NOSTRIN: variants seen among roughly 807,000 people sequenced by gnomAD.
NOSTRIN encodes the protein BM247 homolog.
A neutral mutation model predicts 59.0 loss-of-function variants in NOSTRIN; 63 were observed. That is an observed-to-expected ratio of 1.07 (90% CI 0.87 to 1.32). The LOEUF is 1.32. Among genes scored for constraint, NOSTRIN ranks in the 40% most tolerant of loss-of-function variants. NOSTRIN has a pLI of 0.00. For synonymous variants in NOSTRIN, 200 were observed against 165.4 expected (o/e 1.21, Z -1.61); for missense variants, 512 against 473.1 (o/e 1.08, Z -0.76).
intron 11 of NOSTRIN, 69 bp from the exon 12 acceptor site, chr2:168,856,621 C>A: frequency 1.4e-6 from 2 of 1,398,760 alleles, no homozygotes; most frequent in Admixed American, 1.7e-5. Context: ...CCTTTGAGAG[C>A]GACCGACTCC....
Position 168,862,049 on chromosome 2 carries a change from G to A in NOSTRIN, c.1384G>A (p.Gly462Ser). 3 of 1,613,344 alleles carry A rather than the reference G, an allele frequency of 1.9e-6. No homozygotes were observed. The highest frequency in any genetic ancestry group is 2.5e-6 in the Non-Finnish European group (3 of 1,179,322). Residue 462 changes from glycine (G) to serine (S), a missense_variant and splice_region_variant, in exon 15 of 16, where the codon GGT becomes AGT. Physicochemically the swap from Gly to Ser is moderately conservative, Grantham distance 56. Transcript: ENST00000317647. ...AGATGATGAGTTGAATTTGGAAAAG[G>A]GTAAGAATCATTCTCAAATATTTTA... ...RQDDELNLEK[G>S]DIVIIHEKKE... is the part of the protein sequence containing the mutation.
intron 2 of NOSTRIN, among the ~76,000 whole-genome samples, chr2:168,790,852 G>A (rs1407365398): frequency 6.6e-6 from 1 of 152,138 alleles, no homozygotes; most frequent in African/African-American, 2.4e-5. Flanking sequence ...TGAAGGAAAT[G>A]CACACTAAAA....
intron 2 of NOSTRIN, among the ~76,000 whole-genome samples, chr2:168,818,573 G>T (rs919398214): frequency 2.6e-5 from 4 of 152,060 alleles, no homozygotes; most frequent in Non-Finnish European, 5.9e-5. Context: ...TGATTACATG[G>T]TCACATATTC....
chr2:168,792,613 C>T (rs879440339), intron 2 of NOSTRIN, among the ~76,000 whole-genome samples: 13 of 151,968 alleles, frequency 8.6e-5, no homozygotes, highest in Non-Finnish European at 1.8e-4. Flanking sequence ...CCACACTCAG[C>T]TAATTTTTTG....
chr2:168,828,228 C>T lies in NOSTRIN; in HGVS notation c.260+8C>T, dbSNP rs201492914. 1.5e-4 allele frequency: 130 copies of T among 872,846 alleles called. 1 individual carries two copies. Among genetic ancestry groups the T allele is most frequent in the South Asian group, 1.6e-4 (12 of 76,544 alleles). 54.1% of individuals were successfully genotyped at this position (872,846 alleles called of 1,614,324 possible). ...CACAGCGGACCTGCATCAGTGAGTT[C>T]TCCCACCCTGGCCTTTCTCCAACTC... On this transcript the variant is annotated splice_region_variant and intron_variant, in intron 4 of 15. Transcript: ENST00000317647.
At position 168,864,872 on chromosome 2, in the gene NOSTRIN, T is replaced by C. The variant is rs1283228703; in HGVS notation, c.1423T>C (p.Trp475Arg). The C allele has an allele frequency of 1.2e-6, 2 of 1,613,658 alleles. No homozygotes were observed. The highest frequency in any genetic ancestry group is 2.2e-5 in the East Asian group (1 of 44,868). Residue 475 changes from tryptophan to arginine, a missense_variant, in exon 16 of 16, where the codon TGG becomes CGG. Physicochemically the swap from Trp to Arg is moderately radical, Grantham distance 101 (BLOSUM62 -3). Transcript: ENST00000317647. ...VIIHEKKEGG[W>R]WFGSLNGKKG... is the part of the protein sequence containing the mutation. ...TATACACGAGAAAAAAGAAGGAGGA[T>C]GGTGGTTTGGATCTTTGAATGGGAA...
intron 7 of NOSTRIN, among the ~76,000 whole-genome samples, chr2:168,841,069 A>G (rs1688067283): frequency 6.6e-6 from 1 of 151,862 alleles, no homozygotes; most frequent in Non-Finnish European, 1.5e-5. Flanking sequence ...ACTGGGCAAC[A>G]TGGTGAAACC....
At chr2:168,828,037 G>T in intron 3 of NOSTRIN, 121 bp from the exon 4 acceptor site, 1 of 726,922 alleles carries the variant, frequency 1.4e-6, no homozygotes, top group South Asian at 1.5e-5. Flanking sequence ...AATAAGGTTA[G>T]GGAAGTGAAT....
chr2:168,802,440 C>T (rs943230146), upstream of NOSTRIN: 4 of 534,328 alleles, frequency 7.5e-6, no homozygotes, highest in Admixed American at 6.0e-5. Flanking sequence ...TCACACTGGC[C>T]GTCTTGACCC....
chr2:168,851,156 T>C lies in NOSTRIN; in HGVS notation c.703T>C (p.Ser235Pro). Reference protein sequence around the residue: ...NNLNQYSQHISLFGQTLTTCH... With the variant: ...NNLNQYSQHIPLFGQTLTTCH... ...CTTAAACCAGTACAGCCAACATATT[T>C]CTCTTTTTGGCCAAACCCTGACCAC... The change falls in exon 9 of 16, where the codon TCT (serine) becomes CCT (proline). Residue 235 changes from serine to proline, a missense_variant. Physicochemically the swap from Ser to Pro is moderately conservative, Grantham distance 74 (BLOSUM62 -1). Transcript: ENST00000317647. The C allele has an allele frequency of 6.2e-7, 1 of 1,612,502 alleles. No individual in the cohort carries two copies. The highest frequency in any genetic ancestry group is 1.3e-5 in the African/African-American group (1 of 75,014).
intron 8 of NOSTRIN, among the ~76,000 whole-genome samples, chr2:168,850,075 G>A (rs1688667873): frequency 6.6e-6 from 1 of 151,928 alleles, no homozygotes; most frequent in South Asian, 2.1e-4. Context: ...ACCATGCCTG[G>A]CTAATTTTTG....
chr2:168,840,181 A>G (rs1687989651), intron 7 of NOSTRIN, among the ~76,000 whole-genome samples: 1 of 152,010 alleles, frequency 6.6e-6, no homozygotes, highest in African/African-American at 2.4e-5. Context: ...TGCCAGGTTA[A>G]TGTTCACAAG....
intron 11 of NOSTRIN, 27 bp from the exon 12 acceptor site, chr2:168,856,663 T>G: frequency 6.2e-7 from 1 of 1,605,352 alleles, no homozygotes; most frequent in Non-Finnish European, 8.5e-7. Context: ...GTGTGAAAGG[T>G]GACTGAGAAC....
intron 5 of NOSTRIN, among the ~76,000 whole-genome samples, chr2:168,829,304 CT>C (rs1310170804): frequency 1.5e-5 from 2 of 131,456 alleles, no homozygotes; most frequent in Non-Finnish European, 1.6e-5. Context: ...CCTTCTCTTT[CT>C]TTTTTTTTCT....
chr2:168,833,599 C>A (rs983282481), intron 6 of NOSTRIN, among the ~76,000 whole-genome samples: 1 of 152,182 alleles, frequency 6.6e-6, no homozygotes, highest in African/African-American at 2.4e-5. Context: ...AGGAAATTAT[C>A]CCCTAAATCC....
chr2:168,813,969 C>G (rs1216195643), intron 2 of NOSTRIN, among the ~76,000 whole-genome samples: 1 of 152,078 alleles, frequency 6.6e-6, no homozygotes, highest in African/African-American at 2.4e-5. Flanking sequence ...GCGGTGTCTC[C>G]TCGTCTTGAG....
At chr2:168,834,034 T>G in intron 6 of NOSTRIN, 193 bp from the exon 7 acceptor site, 1 of 527,532 alleles carries the variant, frequency 1.9e-6, no homozygotes, top group Non-Finnish European at 3.4e-6. Flanking sequence ...GCTCTGATGT[T>G]TTAGGTACAT....
At chr2:168,823,847 C>T (rs528503945) in intron 2 of NOSTRIN, among the ~76,000 whole-genome samples, 14 of 152,284 alleles carry the variant, frequency 9.2e-5, no homozygotes, top group African/African-American at 2.6e-4. Flanking sequence ...GAGGCCTAGA[C>T]GGGTGGGTCA....
chr2:168,863,722 G>T (rs1251731218), intron 15 of NOSTRIN: 1 of 901,882 alleles, frequency 1.1e-6, no homozygotes, highest in African/African-American at 1.8e-5. Flanking sequence ...CAGAGACATT[G>T]TCTTGATCTT....
Sources: gnomAD v4.1 joint callset for allele counts (sites outside exome capture counted in the v4.1 genomes callset) on GRCh38, gnomAD v4.1.1 for gene constraint, MANE v1.5 for transcripts, NCBI Gene and HGNC (gene_info 2026-07-23, HGNC 2026-07-21) for gene names.